UNC5B: variants seen among roughly 807,000 people sequenced by gnomAD.
UNC5B encodes netrin receptor UNC5B.
Under a neutral mutation model 103.7 loss-of-function variants are expected in UNC5B, and 56 were observed. The observed-to-expected ratio is 0.54, with a 90% CI of 0.44 to 0.67. The LOEUF (loss-of-function observed/expected upper bound fraction) is 0.67, where lower values mean the gene tolerates loss of function less well. UNC5B is among the 30% of genes least tolerant of loss of function. The pLI, the probability that UNC5B is intolerant of heterozygous loss-of-function variation, is 0.00. For missense variants in UNC5B, 1,194 were observed against 1,284.5 expected (o/e 0.93, Z 1.08); for synonymous variants, 577 against 542.0 (o/e 1.06, Z -0.90).
At chr10:71,221,976 G>A (rs1843460827) in intron 1 of UNC5B, among the ~76,000 whole-genome samples, 1 of 152,042 alleles carries the variant, frequency 6.6e-6, no homozygotes, top group Non-Finnish European at 1.5e-5. Context: ...AGTGCTCAGT[G>A]ACATTCACTA....
At chr10:71,231,885 G>T (rs527898645) in intron 1 of UNC5B, among the ~76,000 whole-genome samples, 1 of 152,114 alleles carries the variant, frequency 6.6e-6, no homozygotes, top group Non-Finnish European at 1.5e-5. Context: ...TGGCCTGGCC[G>T]TCAGGATCTT....
intron 1 of UNC5B, among the ~76,000 whole-genome samples, chr10:71,253,087 C>T (rs575777530): frequency 1.7e-4 from 26 of 152,306 alleles, no homozygotes; most frequent in Admixed American, 9.1e-4. Flanking sequence ...CAGCTCAGAC[C>T]TCTAAAATCC....
chr10:71,292,349 G>A, intron 10 of UNC5B, 118 bp from the exon 11 acceptor site: 1 of 838,862 alleles, frequency 1.2e-6, no homozygotes, highest in East Asian at 2.7e-5. Context: ...ACCCCTGGCT[G>A]GGGACTACCT....
At chr10:71,297,807 G>C in intron 15 of UNC5B, 102 bp from the exon 16 acceptor site, 2 of 1,283,406 alleles carry the variant, frequency 1.6e-6, no homozygotes, top group Non-Finnish European at 2.1e-6. Flanking sequence ...GAGGAGGTGG[G>C]AGTGACTCAA....
At chr10:71,239,473 A>G (rs900770824) in intron 1 of UNC5B, among the ~76,000 whole-genome samples, 2 of 152,122 alleles carry the variant, frequency 1.3e-5, no homozygotes, top group Admixed American at 6.5e-5. Context: ...CTCCTCATGC[A>G]TGTCACTGGC....
intron 1 of UNC5B, among the ~76,000 whole-genome samples, chr10:71,220,496 T>A (rs1340159848): frequency 6.6e-6 from 1 of 152,076 alleles, no homozygotes; most frequent in Non-Finnish European, 1.5e-5. Context: ...TAGCTGCGGG[T>A]GCAGAAGAGT....
rs556558136 is a variant in UNC5B, at chr10:71,260,733, G to A, written c.80-19088G>A. ...TTGAAGAGGCTCCTAAGAGCTGGGGGACGCCAGGGCCAGAAGACGGGAGGA... is the reference window on the plus strand; with the variant it reads ...TTGAAGAGGCTCCTAAGAGCTGGGGAACGCCAGGGCCAGAAGACGGGAGGA... On this transcript the variant is annotated intron_variant, in intron 1 of 16. Coordinates refer to ENST00000335350, the MANE Select transcript of UNC5B (RefSeq NM_170744.5). Among the ~76,000 whole-genome samples, 129 of 152,346 alleles carry A rather than the reference G, an allele frequency of 8.5e-4. 1 individual carries two copies. The Middle Eastern group carries it at 0.014, about 16-fold the overall frequency.
chr10:71,260,554 C>T (rs1844393642), intron 1 of UNC5B, among the ~76,000 whole-genome samples: 1 of 152,202 alleles, frequency 6.6e-6, no homozygotes, highest in Non-Finnish European at 1.5e-5. Flanking sequence ...GGGCTCAGGG[C>T]CCTTGGTCAT....
At chr10:71,259,062 G>A (rs1844355329) in intron 1 of UNC5B, among the ~76,000 whole-genome samples, 1 of 152,238 alleles carries the variant, frequency 6.6e-6, no homozygotes, top group Non-Finnish European at 1.5e-5. Context: ...CATGGGCAGG[G>A]TGGAGGGAGG....
intron 1 of UNC5B, among the ~76,000 whole-genome samples, chr10:71,218,968 G>C (rs975773758): frequency 4.6e-5 from 7 of 152,098 alleles, no homozygotes; most frequent in African/African-American, 1.7e-4. Flanking sequence ...CTCCACTGTC[G>C]TTACAACTTT....
At chr10:71,262,405 G>C (rs1844434263) in intron 1 of UNC5B, among the ~76,000 whole-genome samples, 2 of 151,962 alleles carry the variant, frequency 1.3e-5, no homozygotes, top group South Asian at 4.2e-4. Context: ...CAGGATTGTG[G>C]GGGGGCTGTC....
At chr10:71,224,859 T>C (rs1257122358) in intron 1 of UNC5B, among the ~76,000 whole-genome samples, 1 of 152,184 alleles carries the variant, frequency 6.6e-6, no homozygotes, top group African/African-American at 2.4e-5. Flanking sequence ...ATTGCCTTCT[T>C]GACATGGGCA....
chr10:71,241,083 T>C (rs10740371), intron 1 of UNC5B, among the ~76,000 whole-genome samples: 126,917 of 152,238 alleles, frequency 0.83, 53,492 homozygotes, highest in East Asian at 0.98. Context: ...GTATTGACCC[T>C]ATTCATCTTC....
At chr10:71,273,723 C>T (rs534565773) in intron 1 of UNC5B, among the ~76,000 whole-genome samples, 81 of 152,204 alleles carry the variant, frequency 5.3e-4, no homozygotes, top group Non-Finnish European at 9.4e-4. Flanking sequence ...AGACGGGCGC[C>T]CTGTTGCCCA....
intron 1 of UNC5B, among the ~76,000 whole-genome samples, chr10:71,238,056 C>T (rs1383266222): frequency 6.6e-6 from 1 of 152,230 alleles, no homozygotes; most frequent in Non-Finnish European, 1.5e-5. Flanking sequence ...AATAGCCCAA[C>T]AGCCTGTAAC....
rs375277468 is a variant in UNC5B, at chr10:71,286,790, G to A, written c.654G>A (p.Ser218=). The change falls in exon 5 of 17, where the codon TCG becomes TCA. Residue 218 remains serine, a synonymous_variant. Coordinates refer to ENST00000335350, the MANE Select transcript of UNC5B (RefSeq NM_170744.5). ...HNLIIRQARL[S]DTANYTCVAK... ...TCATCATCCGCCAGGCCCGCCTGTC[G>A]GACACTGCCAACTATACCTGCGTGG... 2.5e-5 allele frequency: 40 copies of A among 1,614,156 alleles called. No homozygotes were observed. Among genetic ancestry groups the A allele is most frequent in the South Asian group, 4.4e-5 (4 of 91,064 alleles).
At chr10:71,240,466 G>A (rs766063810) in intron 1 of UNC5B, among the ~76,000 whole-genome samples, 1 of 152,254 alleles carries the variant, frequency 6.6e-6, no homozygotes, top group Non-Finnish European at 1.5e-5. Flanking sequence ...GCCTGCCTCT[G>A]ATAGGCACAG....
chr10:71,254,378 G>A (rs1428862917), intron 1 of UNC5B, among the ~76,000 whole-genome samples: 2 of 152,244 alleles, frequency 1.3e-5, no homozygotes, highest in East Asian at 1.9e-4. Flanking sequence ...TGGGACCATG[G>A]GTACCTGGCG....
At position 71,285,770 on chromosome 10, in the gene UNC5B, T is replaced by C. The variant is rs147803730; in HGVS notation, c.552+341T>C. On this transcript the variant is annotated intron_variant, in intron 4 of 16. Coordinates refer to ENST00000335350, the MANE Select transcript of UNC5B (RefSeq NM_170744.5). ...CCCCAGCTTTCTGGATGCGAAAGGATCCCATCATGCGTGTGTGTGAGTGTG... is the reference window on the plus strand; with the variant it reads ...CCCCAGCTTTCTGGATGCGAAAGGACCCCATCATGCGTGTGTGTGAGTGTG... Among the ~76,000 whole-genome samples the C allele has an allele frequency of 8.0e-4, 121 of 152,178 alleles. 2 individuals carry two copies. The highest frequency in any genetic ancestry group is 2.8e-3 in the African/African-American group (115 of 41,522).
Sources: allele counts gnomAD v4.1 joint callset (sites outside exome capture counted in the v4.1 genomes callset), GRCh38; gene constraint gnomAD v4.1.1; transcripts MANE v1.5; gene names NCBI Gene and HGNC (gene_info 2026-07-23, HGNC 2026-07-21).